Variants in CDH4 observed in about 807,000 individuals in gnomAD.
CDH4 encodes cadherin 4.
Under a neutral mutation model 86.0 loss-of-function variants are expected in CDH4, and 33 were observed. That is an observed-to-expected ratio of 0.38 (90% confidence interval 0.29 to 0.51). CDH4 has a LOEUF of 0.51. Ranked by LOEUF, CDH4 falls within the 20% of genes least tolerant of loss-of-function variation. The probability of loss-of-function intolerance (pLI) is 0.86; values close to 1 mark genes in which losing one functional copy is unlikely to be tolerated. For missense variants in CDH4, 1,114 were observed against 1,307.4 expected, an observed-to-expected ratio of 0.85 and a Z score of 2.28; for synonymous variants, 555 against 549.4, an observed-to-expected ratio of 1.01 and a Z score of -0.14.
chr20:61,594,658 C>T (rs1275786908), intron 2 of CDH4, among the ~76,000 whole-genome samples: 10 of 152,128 alleles, frequency 6.6e-5, no homozygotes, highest in Non-Finnish European at 8.8e-5. Flanking sequence ...TGCTTGTGTG[C>T]GTGCTTCTAG....
intron 3 of CDH4, among the ~76,000 whole-genome samples, chr20:61,749,787 G>A (rs867070601): frequency 5.9e-5 from 9 of 152,336 alleles, no homozygotes; most frequent in East Asian, 5.8e-4. Flanking sequence ...TTGGCTGGGC[G>A]TGGTGGCTCG....
At chr20:61,360,632 G>A (rs1323695516) in intron 2 of CDH4, among the ~76,000 whole-genome samples, 1 of 152,184 alleles carries the variant, frequency 6.6e-6, no homozygotes, top group East Asian at 1.9e-4. Flanking sequence ...TCCAGCCTGG[G>A]GACATGTGGC....
chr20:61,346,813 A>G (rs1266896245), intron 2 of CDH4, among the ~76,000 whole-genome samples: 1 of 151,922 alleles, frequency 6.6e-6, no homozygotes, highest in Non-Finnish European at 1.5e-5. Flanking sequence ...TGCAGCAGGA[A>G]GCCAGGCTCT....
rs73316151 is a variant in CDH4, at chr20:61,731,619, G to A, written c.170-11944G>A. On this transcript the variant is annotated intron_variant, in intron 2 of 15. Transcript: ENST00000614565. ...TGCATGTTTGTAGAATCGGAAAAGC[G>A]CCGTTTCCAGCGGGACGCCTCCTGC... Among the ~76,000 whole-genome samples, 974 of 152,318 alleles carry A rather than the reference G, an allele frequency of 6.4e-3. 13 individuals carry two copies. The highest frequency in any genetic ancestry group is 0.022 in the African/African-American group (909 of 41,584).
rs148294457 is a variant in CDH4, at chr20:61,613,442, C to G, written c.170-130121C>G. On this transcript the variant is annotated intron_variant, in intron 2 of 15. Coordinates refer to ENST00000614565, the MANE Select transcript of CDH4 (RefSeq NM_001794.5). ...GTGCCAGGTAACAATCTTCTCACCT[C>G]CTAATATCGCCCTAGACACATGCTT... is the stretch of plus-strand genomic sequence containing the variant. Among the ~76,000 whole-genome samples the G allele has an allele frequency of 1.9e-3, 288 of 152,044 alleles. 1 individual carries two copies. Among genetic ancestry groups the G allele is most frequent in the Middle Eastern group, 6.8e-3 (2 of 294 alleles).
chr20:61,714,985 A>G (rs1050800280), intron 2 of CDH4, among the ~76,000 whole-genome samples: 4 of 152,188 alleles, frequency 2.6e-5, no homozygotes, highest in South Asian at 2.1e-4. Flanking sequence ...AGAAATCTCC[A>G]TGCTGTTTTC....
chr20:61,908,431 T>A (rs2054815182), intron 8 of CDH4, among the ~76,000 whole-genome samples: 1 of 152,200 alleles, frequency 6.6e-6, no homozygotes, highest in South Asian at 2.1e-4. Flanking sequence ...TCCACGCTCA[T>A]GACAGATGCA....
At position 61,936,763 on chromosome 20, in the gene CDH4, C is replaced by T; in HGVS notation, c.2571C>T (p.Pro857=). The T allele has an allele frequency of 1.2e-6, 2 of 1,606,866 alleles. No individual in the cohort carries two copies. The highest frequency in any genetic ancestry group is 1.7e-6 in the Non-Finnish European group (2 of 1,177,538). ...GACTCCGCGCTGCTGACAACGACCC[C>T]ACGGCACCCCCCTATGACTCCCTGC... ...NEGLRAADND[P]TAPPYDSLLV... The change falls in exon 16 of 16, where the codon CCC becomes CCT. Residue 857 remains proline, a synonymous_variant. Coordinates refer to ENST00000614565, the MANE Select transcript of CDH4 (RefSeq NM_001794.5).
chr20:61,867,277 C>T (rs1487033780), intron 6 of CDH4, among the ~76,000 whole-genome samples: 1 of 152,200 alleles, frequency 6.6e-6, no homozygotes, highest in East Asian at 1.9e-4. Context: ...AGGCCAGGCA[C>T]GGTAGCTCAC....
chr20:61,334,355 G>T (rs1375808046), intron 2 of CDH4, among the ~76,000 whole-genome samples: 1 of 152,204 alleles, frequency 6.6e-6, no homozygotes, highest in Non-Finnish European at 1.5e-5. Context: ...CAGGCTCAGA[G>T]AGGTTAAACC....
At chr20:61,396,532 T>C (rs11908374) in intron 2 of CDH4, among the ~76,000 whole-genome samples, 35,341 of 152,176 alleles carry the variant, frequency 0.23, 4,192 homozygotes, top group East Asian at 0.39. Flanking sequence ...CACCTGGCCA[T>C]GGAACTACTG....
intron 2 of CDH4, among the ~76,000 whole-genome samples, chr20:61,626,205 G>C (rs139237443): frequency 1.3e-5 from 2 of 152,160 alleles, no homozygotes; most frequent in Non-Finnish European, 2.9e-5. Flanking sequence ...TTGAACTGTC[G>C]ACTGGGTCAG....
chr20:61,655,104 T>C (rs2087173107), intron 2 of CDH4, among the ~76,000 whole-genome samples: 1 of 152,248 alleles, frequency 6.6e-6, no homozygotes, highest in Admixed American at 6.5e-5. Context: ...TTTGTAACTA[T>C]ATTAATAGCA....
intron 2 of CDH4, among the ~76,000 whole-genome samples, chr20:61,298,908 G>C (rs2084371550): frequency 6.6e-6 from 1 of 151,850 alleles, no homozygotes; most frequent in Non-Finnish European, 1.5e-5. Context: ...AACTAAAAAT[G>C]CTCTAAAAGA....
intron 2 of CDH4, among the ~76,000 whole-genome samples, chr20:61,471,572 T>C (rs1012940554): frequency 5.3e-5 from 8 of 152,054 alleles, no homozygotes; most frequent in African/African-American, 1.9e-4. Flanking sequence ...TGGTTTGTTC[T>C]TGCTTTTCTA....
chr20:61,694,180 A>T (rs565268274), intron 2 of CDH4, among the ~76,000 whole-genome samples: 2 of 152,016 alleles, frequency 1.3e-5, no homozygotes, highest in African/African-American at 4.8e-5. Context: ...CCATGCCCAG[A>T]CCCAGACACT....
intron 2 of CDH4, among the ~76,000 whole-genome samples, chr20:61,519,514 C>T (rs958908164): frequency 3.9e-5 from 6 of 152,344 alleles, no homozygotes; most frequent in East Asian, 1.9e-4. Flanking sequence ...TTAAGCCTCA[C>T]GGTACATTTT....
At chr20:61,566,605 G>A (rs543373221) in intron 2 of CDH4, among the ~76,000 whole-genome samples, 7 of 152,216 alleles carry the variant, frequency 4.6e-5, no homozygotes, top group South Asian at 4.2e-4. Flanking sequence ...CCTGCAGGAC[G>A]GGACAAGGTG....
intron 2 of CDH4, among the ~76,000 whole-genome samples, chr20:61,679,925 G>T (rs2087491635): frequency 6.6e-6 from 1 of 152,218 alleles, no homozygotes; most frequent in African/African-American, 2.4e-5. Flanking sequence ...TTGTCTGTCA[G>T]TGGGAACTGC....
Sources: allele counts gnomAD v4.1 joint callset (sites outside exome capture counted in the v4.1 genomes callset), GRCh38; gene constraint gnomAD v4.1.1; transcripts MANE v1.5; gene names NCBI Gene and HGNC (gene_info 2026-07-23, HGNC 2026-07-21).